PASK: variants seen among roughly 807,000 people sequenced by gnomAD.
The protein encoded by PASK is PAS domain-containing serine/threonine-protein kinase.
A neutral mutation model predicts 121.0 loss-of-function variants in PASK; 110 were observed. That is an observed-to-expected ratio of 0.91 (90% confidence interval 0.78 to 1.06). The LOEUF (loss-of-function observed/expected upper bound fraction) is 1.06, where lower values mean the gene tolerates loss of function less well. Ranked by LOEUF, PASK falls within the 50% of genes least tolerant of loss-of-function variation. PASK has a pLI of 0.00. For missense variants in PASK, 1,643 were observed against 1,702.3 expected (o/e 0.97, Z 0.61); for synonymous variants, 686 against 717.8 (o/e 0.96, Z 0.71).
chr2:241,150,294 G>C, upstream of PASK: 1 of 1,319,356 alleles, frequency 7.6e-7, no homozygotes, highest in Non-Finnish European at 9.7e-7. Context: ...TCCGCCGCCT[G>C]AAATTACCTG....
At chr2:241,115,691 A>G (rs35660874) in intron 12 of PASK, among the ~76,000 whole-genome samples, 6,223 of 114,580 alleles carry the variant, frequency 0.054, 419 homozygotes, top group East Asian at 0.3. Flanking sequence ...AGGGCCACCC[A>G]GTCCTCAAGC....
chr2:241,107,419 A>G lies in PASK; in HGVS notation c.3748T>C (p.Trp1250Arg), dbSNP rs749747607. Residue 1250 changes from tryptophan (W) to arginine (R), a missense_variant, in exon 17 of 18, where the codon TGG (tryptophan) becomes CGG (arginine). Coordinates refer to ENST00000234040, the MANE Select transcript of PASK (RefSeq NM_015148.4). Reference sequence around the variant, plus strand: ...GCAAGATTCACAGGCTGTGTTACCCACGGGTCTGTCACCAGCTTCTCCAAG... The same window carrying G: ...GCAAGATTCACAGGCTGTGTTACCCGCGGGTCTGTCACCAGCTTCTCCAAG... ...TTLEKLVTDP[W>R]VTQPVNLADY... The G allele has an allele frequency of 6.2e-7, 1 of 1,613,892 alleles. No individual in the cohort carries two copies. The highest frequency in any genetic ancestry group is 1.1e-5 in the South Asian group (1 of 91,068).
chr2:241,140,316 C>T (rs1445493338), intron 3 of PASK, among the ~76,000 whole-genome samples: 1 of 152,152 alleles, frequency 6.6e-6, no homozygotes, highest in Non-Finnish European at 1.5e-5. Context: ...AGGTGTGTGC[C>T]ACCGCACCTG....
rs149308428 is a variant in PASK, at chr2:241,127,141, C to T, written c.1774G>A (p.Val592Met). 166 of 1,613,818 alleles carry T rather than the reference C, an allele frequency of 1.0e-4. No individual in the cohort carries two copies. Among genetic ancestry groups the T allele is most frequent in the Non-Finnish European group, 1.3e-4 (159 of 1,179,964 alleles). The change falls in exon 10 of 18, where the codon GTG (valine) becomes ATG (methionine). Residue 592 changes from valine (V) to methionine (M), a missense_variant. Val to Met is a conservative substitution (Grantham distance 21). Coordinates refer to ENST00000234040, the MANE Select transcript of PASK (RefSeq NM_015148.4). ...TGACCCTTGGCCTGGGGCTTGGCCA[C>T]GGCAGCCCCAGCCCAAAGGTCTGAA... ...SGSDLWAGAAVAKPQAKGQLA... is the reference protein window; with the variant it reads ...SGSDLWAGAAMAKPQAKGQLA...
At chr2:241,117,835 G>C (rs1433713158) in intron 12 of PASK, among the ~76,000 whole-genome samples, 2 of 152,164 alleles carry the variant, frequency 1.3e-5, no homozygotes, top group Admixed American at 1.3e-4. Context: ...TACAAGGACT[G>C]AATGTATAGT....
chr2:241,119,372 T>C (rs2065505779), intron 12 of PASK, among the ~76,000 whole-genome samples: 1 of 151,876 alleles, frequency 6.6e-6, no homozygotes, highest in African/African-American at 2.4e-5. Flanking sequence ...TAGTTGGGCA[T>C]CATGTGCCCA....
chr2:241,136,994 GC>G lies in PASK; in HGVS notation c.1137+9del. 1 of 1,611,886 alleles carries G rather than the reference GC, an allele frequency of 6.2e-7. No homozygotes were observed. The highest frequency in any genetic ancestry group is 8.5e-7 in the Non-Finnish European group (1 of 1,179,656). ...AGGGAACGGGAGCCAGGCGCCCAGG[GC>G]AGCCCCACCTTGCCCAGGAGCTCCG... On this transcript the variant is annotated intron_variant, in intron 7 of 17. Transcript: ENST00000234040.
rs2065159581 is a variant in PASK, at chr2:241,112,697, G to C, written c.3334-258C>G. 2 of 444,544 alleles carry C rather than the reference G, an allele frequency of 4.5e-6. No individual in the cohort carries two copies. The highest frequency in any genetic ancestry group is 4.5e-5 in the South Asian group (2 of 44,648). The allele number at this position is 444,544 out of a possible 1,614,324, so 27.5% of individuals were successfully genotyped here. A position where few individuals can be genotyped will look rare whatever the true frequency, so the allele number is the denominator to read the frequency against. On this transcript the variant is annotated intron_variant, in intron 14 of 17. Transcript: ENST00000234040. This position sits in a 1 kb window ranked among gnomAD's most constrained non-coding sequence, Gnocchi z 5.2. The stretch of plus-strand genomic sequence containing the variant: ...AACATCAATGAGACTCGTGAGTTCT[G>C]TTTGCTGCTGAGAAAAGCTTCCCAG...
intron 1 of PASK, among the ~76,000 whole-genome samples, chr2:241,148,152 A>C (rs997643737): frequency 3.9e-5 from 6 of 152,196 alleles, no homozygotes; most frequent in African/African-American, 1.4e-4. Context: ...ACGGGAACCC[A>C]AACCCAGCAG....
chr2:241,137,091 G>A lies in PASK; in HGVS notation c.1050C>T (p.Thr350=), dbSNP rs143323826. 37 of 1,613,640 alleles carry A rather than the reference G, an allele frequency of 2.3e-5. No individual in the cohort carries two copies. The African/African-American group carries it at 4.0e-4, about 17-fold the overall frequency. Residue 350 remains threonine (T), a synonymous_variant, in exon 7 of 18, where the codon ACC becomes ACT. Coordinates refer to ENST00000234040, the MANE Select transcript of PASK (RefSeq NM_015148.4). ...WVFCTISGLI[T]LLPDGTIHGI... ...CGTGGATGGTCCCATCCGGCAGGAGGGTGATGAGGCCACTGATGGTGCAGA... is the reference window on the plus strand; with the variant it reads ...CGTGGATGGTCCCATCCGGCAGGAGAGTGATGAGGCCACTGATGGTGCAGA...
chr2:241,122,736 T>C lies in PASK; in HGVS notation c.3068A>G (p.Lys1023Arg). 6.2e-7 allele frequency: 1 copy of C among 1,613,986 alleles called. No homozygotes were observed. The highest frequency in any genetic ancestry group is 1.1e-5 in the South Asian group (1 of 91,086). ...CCCCCCCCACAGCCAGGTTACCTCCTTGTTTTTTTCCTTGTCCACAGCAGT... is the reference window on the plus strand; with the variant it reads ...CCCCCCCCACAGCCAGGTTACCTCCCTGTTTTTTTCCTTGTCCACAGCAGT... ...VWTAVDKEKN[K>R]EVVVKFIKKE... is the part of the protein sequence containing the mutation. The change falls in exon 12 of 18, where the codon AAG (lysine) becomes AGG (arginine). Residue 1023 changes from lysine to arginine, a missense_variant. Physicochemically the swap from Lys to Arg is conservative, Grantham distance 26. Around this residue, in one of 3 missense-constraint regions of PASK, gnomAD observed 453 missense variants for 511.2 expected, o/e 0.89. Coordinates refer to ENST00000234040, the MANE Select transcript of PASK (RefSeq NM_015148.4).
intron 2 of PASK, 86 bp downstream of exon 2, chr2:241,142,751 T>C: frequency 9.5e-7 from 1 of 1,055,170 alleles, no homozygotes; most frequent in South Asian, 1.3e-5. Flanking sequence ...CTTCAATCCC[T>C]GGTGAGAGGG....
At position 241,143,210 on chromosome 2, in the gene PASK, C is replaced by T. The variant is rs567484602; in HGVS notation, c.-42-136G>A. ...CCAACCGCCATCCTGGGTCAGAACC[C>T]GCAATGGGAGAATGGTCCACCCAAA... On this transcript the variant is annotated intron_variant, in intron 1 of 17. Coordinates refer to ENST00000234040, the MANE Select transcript of PASK (RefSeq NM_015148.4). 4.0e-4 allele frequency: 264 copies of T among 661,614 alleles called. No homozygotes were observed. In the African/African-American group the frequency reaches 4.2e-3, roughly 10 times the overall value. 41.0% of individuals were successfully genotyped at this position (661,614 alleles called of 1,614,324 possible). A position where few individuals can be genotyped will look rare whatever the true frequency, so the allele number is the denominator to read the frequency against.
Position 241,126,313 on chromosome 2 carries a change from T to TGAAC in PASK, c.2601_2602insGTTC (p.Asn868ValfsTer45), listed in dbSNP as rs2065861544. 6.2e-7 allele frequency: 1 copy of TGAAC among 1,614,102 alleles called. No homozygotes were observed. The highest frequency in any genetic ancestry group is 1.7e-5 in the Admixed American group (1 of 60,010). On this transcript the variant is annotated frameshift_variant, in exon 10 of 18. Transcript: ENST00000234040. LOFTEE classifies it high-confidence loss of function. ...ACGGGCGTGGAGGTGACCTGGACGT[T>TGAAC]CAGCCTTGGCTCCTCTGCTGATGGG...
chr2:241,124,018 C>T lies in PASK; in HGVS notation c.2835G>A (p.Leu945=). 1 of 1,613,950 alleles carries T rather than the reference C, an allele frequency of 6.2e-7. No individual in the cohort carries two copies. The highest frequency in any genetic ancestry group is 8.5e-7 in the Non-Finnish European group (1 of 1,180,008). The change falls in exon 11 of 18, where the codon CTG becomes CTA. Residue 945 remains leucine (L), a synonymous_variant. Transcript: ENST00000234040. ...TGGAGCCGGGCAGGCTGGCAAGGAA[C>T]AGGCGGGTCCTGGCGGCTGAGTCGC... ...SQRDSAARTR[L]FLASLPGSTH...
intron 9 of PASK, among the ~76,000 whole-genome samples, chr2:241,128,314 G>A (rs1232604247): frequency 2.6e-5 from 4 of 152,166 alleles, no homozygotes; most frequent in East Asian, 1.9e-4. Flanking sequence ...GACACGGGCC[G>A]AAAAAGAGAG....
At position 241,140,763 on chromosome 2, in the gene PASK, G is replaced by T. The variant is rs1287033794; in HGVS notation, c.197-10C>A. The stretch of plus-strand genomic sequence containing the variant: ...GAGCTCCATCTGTCTTCTGAAAAGA[G>T]AAGCGAAGCGAAGCTTTAGACTTCA... On this transcript the variant is annotated splice_polypyrimidine_tract_variant and intron_variant, in intron 2 of 17. Coordinates refer to ENST00000234040, the MANE Select transcript of PASK (RefSeq NM_015148.4). 1 of 1,558,960 alleles carries T rather than the reference G, an allele frequency of 6.4e-7. No individual in the cohort carries two copies. The highest frequency in any genetic ancestry group is 8.8e-7 in the Non-Finnish European group (1 of 1,130,288).
intron 9 of PASK, among the ~76,000 whole-genome samples, chr2:241,131,172 G>A (rs565698974): frequency 4.0e-5 from 6 of 148,526 alleles, no homozygotes; most frequent in African/African-American, 9.9e-5. Context: ...TTTTTGAGAC[G>A]GAGTCTCACT....
Position 241,127,451 on chromosome 2 carries a change from C to T in PASK, c.1464G>A (p.Gly488=), listed in dbSNP as rs183290986. 1.9e-6 allele frequency: 3 copies of T among 1,611,972 alleles called. No individual in the cohort carries two copies. Among genetic ancestry groups the T allele is most frequent in the Non-Finnish European group, 2.5e-6 (3 of 1,178,164 alleles). The change falls in exon 10 of 18, where the codon GGG becomes GGA. Residue 488 remains glycine (G), a splice_region_variant and synonymous_variant. Coordinates refer to ENST00000234040, the MANE Select transcript of PASK (RefSeq NM_015148.4). The part of the protein sequence containing the change: ...LSCLSPQPAP[G]VDNVPEGSLP... ...GGCTTCCTTCTGGGACATTGTCCAC[C>T]CTGGGGATAATGACATGGGTGACCA...
Sources: gnomAD v4.1 joint callset for allele counts (sites outside exome capture counted in the v4.1 genomes callset) on GRCh38, gnomAD v4.1.1 for gene constraint, gnomAD v4.1.1 regional missense constraint, Gnocchi (gnomAD v3.1) non-coding constraint, MANE v1.5 for transcripts, NCBI Gene and HGNC (gene_info 2026-07-23, HGNC 2026-07-21) for gene names.